The following ABCA1 variants were observed in gnomAD, a reference collection of about 807,000 sequenced individuals.
The protein encoded by ABCA1 is phospholipid-transporting ATPase ABCA1.
A neutral mutation model predicts 262.5 loss-of-function variants in ABCA1; 133 were observed. That is an observed-to-expected ratio of 0.51 (90% confidence interval 0.44 to 0.59). The LOEUF (loss-of-function observed/expected upper bound fraction) is 0.59, where lower values mean the gene tolerates loss of function less well. Ranked by LOEUF, ABCA1 falls within the 20% of genes least tolerant of loss-of-function variation. The probability of loss-of-function intolerance (pLI) is 0.00; values close to 1 mark genes in which losing one functional copy is unlikely to be tolerated. For missense variants in ABCA1, 2,452 were observed against 2,777.5 expected (o/e 0.88, Z 2.63); for synonymous variants, 1,022 against 1,043.5 (o/e 0.98, Z 0.40).
chr9:104,817,097 C>T lies in ABCA1; in HGVS notation c.3535+235G>A. 1.7e-6 allele frequency: 1 copy of T among 583,120 alleles called. No homozygotes were observed. Among genetic ancestry groups the T allele is most frequent in the East Asian group, 1.4e-4 (1 of 6,974 alleles). The allele number at this position is 583,120 out of a possible 1,614,324, so 36.1% of individuals were successfully genotyped here. ...AAGGGATTCCCCAAACCCCAATCAT[C>T]TCAGCTCTCTGGGACACTGCCCTGC... On this transcript the variant is annotated intron_variant, in intron 24 of 49. Transcript: ENST00000374736. The surrounding 1 kb of genome is among the most constrained non-coding windows in gnomAD (Gnocchi z 4.7).
chr9:104,847,298 G>T (rs1588392442), intron 7 of ABCA1, among the ~76,000 whole-genome samples: 1 of 152,140 alleles, frequency 6.6e-6, no homozygotes, highest in African/African-American at 2.4e-5. Flanking sequence ...AGAACCCTGG[G>T]CAAATGACTC....
chr9:104,809,087 CTGA>C (rs1225205080), intron 30 of ABCA1, among the ~76,000 whole-genome samples: 1 of 152,154 alleles, frequency 6.6e-6, no homozygotes, highest in Non-Finnish European at 1.5e-5. Flanking sequence ...AGCGAAGAAG[CTGA>C]TAAGCAAAAC....
intron 29 of ABCA1, among the ~76,000 whole-genome samples, chr9:104,810,141 CATATATATATATATAT>C (rs35876406): frequency 7.9e-6 from 1 of 126,852 alleles, no homozygotes; most frequent in Non-Finnish European, 1.7e-5. Flanking sequence ...ATTCACATTA[CATATATATATATATAT>C]ATATATATAT....
intron 25 of ABCA1, among the ~76,000 whole-genome samples, chr9:104,815,444 G>C (rs532721472): frequency 3.9e-5 from 6 of 152,222 alleles, no homozygotes. Context: ...AGCCTTCAAG[G>C]TCTGTGATGT....
At chr9:104,887,469 C>T (rs1839281148) in intron 3 of ABCA1, among the ~76,000 whole-genome samples, 2 of 152,282 alleles carry the variant, frequency 1.3e-5, no homozygotes, top group South Asian at 4.1e-4. Flanking sequence ...CCCAACTTGT[C>T]TGATGCCGAA....
chr9:104,806,152 A>G, intron 31 of ABCA1, 89 bp downstream of exon 31: 7 of 1,346,918 alleles, frequency 5.2e-6, no homozygotes, highest in Non-Finnish European at 7.3e-6. Context: ...CCCTCCCAAC[A>G]TGATATCTCA....
chr9:104,803,066 A>AT (rs1459749678), intron 33 of ABCA1, among the ~76,000 whole-genome samples: 2 of 152,196 alleles, frequency 1.3e-5, no homozygotes, highest in African/African-American at 4.8e-5. Flanking sequence ...GCACTGAGCC[A>AT]TGATGCTCTA....
At chr9:104,907,029 T>A (rs1296720003) in intron 1 of ABCA1, among the ~76,000 whole-genome samples, 1 of 152,112 alleles carries the variant, frequency 6.6e-6, no homozygotes, top group Non-Finnish European at 1.5e-5. Flanking sequence ...ACTTAAAACC[T>A]TTTGCCAGCT....
chr9:104,831,750 C>T lies in ABCA1; in HGVS notation c.1587G>A (p.Glu529=). The change falls in exon 13 of 50, where the codon GAG becomes GAA. Residue 529 remains glutamate (E), a synonymous_variant. Coordinates refer to ENST00000374736, the MANE Select transcript of ABCA1 (RefSeq NM_005502.4). ...ACACAATACCAGCCCAGAACTTCCTCTCATCCAGCAGCTCCATGGACTTGT... is the reference window on the plus strand; with the variant it reads ...ACACAATACCAGCCCAGAACTTCCTTTCATCCAGCAGCTCCATGGACTTGT... The part of the protein sequence containing the change: ...LINKSMELLD[E]RKFWAGIVFT... 4.3e-6 allele frequency: 7 copies of T among 1,614,218 alleles called. No individual in the cohort carries two copies. Among genetic ancestry groups the T allele is most frequent in the Non-Finnish European group, 5.1e-6 (6 of 1,180,048 alleles).
intron 27 of ABCA1, 96 bp downstream of exon 27, chr9:104,814,022 C>G: frequency 7.9e-7 from 1 of 1,273,082 alleles, no homozygotes; most frequent in South Asian, 1.2e-5. Flanking sequence ...GGATCTATCA[C>G]CTTGGCTAAA....
intron 1 of ABCA1, among the ~76,000 whole-genome samples, chr9:104,905,199 T>C (rs558687201): frequency 1.3e-5 from 2 of 152,210 alleles, no homozygotes; most frequent in East Asian, 3.9e-4. Flanking sequence ...ACACTGGGCA[T>C]GAGGAACAAG....
chr9:104,786,691 GT>G (rs1828964586), intron 47 of ABCA1, among the ~76,000 whole-genome samples, 181 bp downstream of exon 47: 1 of 152,234 alleles, frequency 6.6e-6, no homozygotes, highest in South Asian at 2.1e-4. Context: ...AATATATTAA[GT>G]GAAAAAGAGC....
At chr9:104,892,120 CA>C (rs1361723850) in intron 2 of ABCA1, among the ~76,000 whole-genome samples, 2 of 151,278 alleles carry the variant, frequency 1.3e-5, no homozygotes, top group African/African-American at 4.9e-5. Context: ...ATAGACGGCA[CA>C]ACAGAATGAA....
chr9:104,848,807 C>G (rs1835125571), intron 7 of ABCA1, among the ~76,000 whole-genome samples: 1 of 151,934 alleles, frequency 6.6e-6, no homozygotes, highest in Non-Finnish European at 1.5e-5. Flanking sequence ...GTGTCTGGTC[C>G]GCATACTACA....
At chr9:104,855,171 C>T (rs1052556134) in intron 7 of ABCA1, 21 of 984,876 alleles carry the variant, frequency 2.1e-5, no homozygotes, top group Non-Finnish European at 2.4e-5. Context: ...TGAGTTCTAA[C>T]ACTGATCTAC....
chr9:104,793,025 G>A lies in ABCA1; in HGVS notation c.5637-119C>T, dbSNP rs2297408. 0.04 allele frequency: 64,022 copies of A among 1,585,524 alleles called. 2,912 individuals carry two copies. Among genetic ancestry groups the A allele is most frequent in the African/African-American group, 0.18 (13,332 of 74,172 alleles). ...CAGTCTCCAGGATGGGCAGGGAGGG[G>A]GCTGCGGGATGCCCACATCAGGAAA... On this transcript the variant is annotated intron_variant, in intron 41 of 49. Coordinates refer to ENST00000374736, the MANE Select transcript of ABCA1 (RefSeq NM_005502.4).
At chr9:104,799,495 C>G (rs1830159241) in intron 36 of ABCA1, 3 of 983,498 alleles carry the variant, frequency 3.1e-6, no homozygotes, top group Non-Finnish European at 2.4e-6. Context: ...AAATTTAAAA[C>G]AGTGGTTTTT....
intron 30 of ABCA1, 110 bp downstream of exon 30, chr9:104,809,356 G>C: frequency 1.9e-6 from 2 of 1,034,800 alleles, no homozygotes; most frequent in East Asian, 2.6e-5. Flanking sequence ...TAATTCAAAG[G>C]GCAAATGCTG....
rs59055896 is a variant in ABCA1 at position 104,829,943 on chromosome 9, T to TACACAC, written c.1893-811_1893-806dup. Among the ~76,000 whole-genome samples the TACACAC allele has an allele frequency of 3.3e-3, 471 of 140,898 alleles. 5 individuals carry two copies. The highest frequency in any genetic ancestry group is 0.011 in the African/African-American group (416 of 39,172). 92.4% of individuals were successfully genotyped at this position (140,898 alleles called of 152,430 possible). On this transcript the variant is annotated intron_variant, in intron 14 of 49. Transcript: ENST00000374736. ...CCAGCTCCTCCCGCATCCTGATCCC[T>TACACAC]ACACACACACACACACACACACACA...
Sources: allele counts gnomAD v4.1 joint callset (sites outside exome capture counted in the v4.1 genomes callset), GRCh38; gene constraint gnomAD v4.1.1; non-coding constraint Gnocchi (gnomAD v3.1); transcripts MANE v1.5; gene names NCBI Gene and HGNC (gene_info 2026-07-23, HGNC 2026-07-21).